SH3KBP1: variants seen among roughly 807,000 people sequenced by gnomAD.
SH3KBP1 encodes SH3 domain-containing kinase-binding protein 1.
Under a neutral mutation model 50.1 loss-of-function variants are expected in SH3KBP1, and 8 were observed. That is an observed-to-expected ratio of 0.16 (90% confidence interval 0.09 to 0.29). SH3KBP1 has a LOEUF of 0.29. Among genes scored for constraint, SH3KBP1 ranks in the 10% least tolerant of loss-of-function variants. The pLI, the probability that SH3KBP1 is intolerant of heterozygous loss-of-function variation, is 1.00. For missense variants in SH3KBP1, 377 were observed against 535.2 expected (o/e 0.70, Z 2.92); for synonymous variants, 227 against 218.6 (o/e 1.04, Z -0.34).
chrX:19,868,059 A>G (rs1216671639), intron 1 of SH3KBP1, among the ~76,000 whole-genome samples: 1 of 111,322 alleles, frequency 9.0e-6, no homozygotes, highest in African/African-American at 3.3e-5. Context: ...GGGTATTAGG[A>G]AAGGAGGGTT....
At position 19,843,143 on chromosome X, in the gene SH3KBP1, C is replaced by T. The variant is rs187668510; in HGVS notation, c.5-6861G>A. Among the ~76,000 whole-genome samples, 576 of 105,014 alleles carry T rather than the reference C, an allele frequency of 5.5e-3. 2 individuals carry two copies. The highest frequency in any genetic ancestry group is 0.014 in the Middle Eastern group (3 of 213). The allele number at this position is 105,014 out of a possible 115,157, so 91.2% of individuals were successfully genotyped here. ...AAGCAATTCTCTTGCCTCAGCCTCC[C>T]GAGTAGCTGGGATTACAGGCACCTG... On this transcript the variant is annotated intron_variant, in intron 1 of 17. Coordinates refer to ENST00000397821, the MANE Select transcript of SH3KBP1 (RefSeq NM_031892.3).
At chrX:19,808,604 C>T (rs146567361) in intron 2 of SH3KBP1, among the ~76,000 whole-genome samples, 2,510 of 111,222 alleles carry the variant, frequency 0.023, 83 homozygotes, top group African/African-American at 0.078. Context: ...CCCCCTCCCC[C>T]ACAACTGCTG....
At chrX:19,855,600 T>C (rs1029293456) in intron 1 of SH3KBP1, among the ~76,000 whole-genome samples, 2 of 111,702 alleles carry the variant, frequency 1.8e-5, no homozygotes, top group Non-Finnish European at 3.8e-5. Context: ...TTATATATTT[T>C]CATTTACTCT....
At chrX:19,843,007 A>AC (rs2068268440) in intron 1 of SH3KBP1, among the ~76,000 whole-genome samples, 3 of 96,939 alleles carry the variant, frequency 3.1e-5, no homozygotes, top group Non-Finnish European at 4.1e-5. Context: ...TCGTGCATCA[A>AC]CTTTTTTTTT....
chrX:19,824,547 G>A (rs147296246), intron 2 of SH3KBP1, among the ~76,000 whole-genome samples: 100 of 111,669 alleles, frequency 9.0e-4, no homozygotes, highest in African/African-American at 2.2e-3. Flanking sequence ...ACATGGAGTC[G>A]CTGTGGGAGC....
chrX:19,665,309 C>T (rs1254896006), intron 6 of SH3KBP1, among the ~76,000 whole-genome samples: 1 of 112,164 alleles, frequency 8.9e-6, no homozygotes, highest in Non-Finnish European at 1.9e-5. Flanking sequence ...CTGAGTGATA[C>T]AGACCTCAAC....
intron 2 of SH3KBP1, among the ~76,000 whole-genome samples, chrX:19,829,260 C>T (rs1401306691): frequency 1.8e-5 from 2 of 111,796 alleles, no homozygotes; most frequent in African/African-American, 3.2e-5. Context: ...TACCGATGTA[C>T]GCAAAAACAT....
At chrX:19,722,659 T>C (rs2064103622) in intron 3 of SH3KBP1, among the ~76,000 whole-genome samples, 1 of 105,565 alleles carries the variant, frequency 9.5e-6, no homozygotes, top group Non-Finnish European at 1.9e-5. Context: ...AAATATTCCA[T>C]AGAAGGAGGG....
intron 3 of SH3KBP1, among the ~76,000 whole-genome samples, chrX:19,738,694 C>CAAAAAAAAA (rs1193680181): frequency 8.1e-5 from 3 of 37,156 alleles, no homozygotes; most frequent in Admixed American, 3.5e-4. Flanking sequence ...GTCAGCAATG[C>CAAAAAAAAA]AAAAAAAAAA....
At chrX:19,648,251 AAGG>A (rs1448574132) in intron 6 of SH3KBP1, among the ~76,000 whole-genome samples, 11 of 108,421 alleles carry the variant, frequency 1.0e-4, no homozygotes, top group African/African-American at 3.4e-4. Context: ...AGGTGGAAGG[AAGG>A]AGGAGGACAG....
At chrX:19,559,767 A>C (rs1216281890) in intron 13 of SH3KBP1, among the ~76,000 whole-genome samples, 1 of 111,433 alleles carries the variant, frequency 9.0e-6, no homozygotes, top group African/African-American at 3.3e-5. Flanking sequence ...CTTAGTGGGT[A>C]CCTCCTTCAA....
intron 4 of SH3KBP1, among the ~76,000 whole-genome samples, chrX:19,700,944 G>A (rs901357061): frequency 1.8e-5 from 2 of 112,103 alleles, no homozygotes; most frequent in Non-Finnish European, 3.8e-5. Context: ...CTACATGAGA[G>A]GCGGCCCTCG....
Position 19,878,472 on chromosome X carries a change from T to TTGTGTG in SH3KBP1, c.4+8829_4+8834dup, listed in dbSNP as rs56786885. ...GTATGTGCCACCACGCCTGGCTAAT[T>TTGTGTG]TGTGTGTGTGTGTGTGTGTGTGTGT... On this transcript the variant is annotated intron_variant, in intron 1 of 17. Transcript: ENST00000397821. 1.1e-3 allele frequency among the ~76,000 whole-genome samples: 77 copies of TTGTGTG among 73,023 alleles called. 1 individual carries two copies. Among genetic ancestry groups the TTGTGTG allele is most frequent in the African/African-American group, 4.4e-3 (67 of 15,323 alleles). The allele number at this position is 73,023 out of a possible 115,157, so 63.4% of individuals were successfully genotyped here.
chrX:19,613,055 G>GTGAC (rs2067479528), intron 8 of SH3KBP1, among the ~76,000 whole-genome samples: 1 of 112,355 alleles, frequency 8.9e-6, no homozygotes, highest in Non-Finnish European at 1.9e-5. Flanking sequence ...CACCCACTGA[G>GTGAC]TGACAGGGGC....
chrX:19,793,313 A>AAAATATAT (rs1418807395), intron 2 of SH3KBP1, among the ~76,000 whole-genome samples: 7 of 96,985 alleles, frequency 7.2e-5, no homozygotes, highest in African/African-American at 2.3e-4. Flanking sequence ...AGGAAAAAAA[A>AAAATATAT]ATATATATAT....
At chrX:19,773,368 T>A (rs1163660623) in intron 2 of SH3KBP1, among the ~76,000 whole-genome samples, 1 of 111,389 alleles carries the variant, frequency 9.0e-6, no homozygotes, top group Non-Finnish European at 1.9e-5. Context: ...TGTGCATATC[T>A]GAGTCATCTG....
At chrX:19,559,208 G>T (rs2065587647) in intron 13 of SH3KBP1, among the ~76,000 whole-genome samples, 1 of 85,257 alleles carries the variant, frequency 1.2e-5, no homozygotes, top group Non-Finnish European at 2.2e-5. Flanking sequence ...GGAGGTGGAG[G>T]TTGCAGTGAG....
In SH3KBP1 at chrX:19,800,920, C is replaced by T. The variant is rs747217946; in HGVS notation, c.162+35205G>A. On this transcript the variant is annotated intron_variant, in intron 2 of 17. Coordinates refer to ENST00000397821, the MANE Select transcript of SH3KBP1 (RefSeq NM_031892.3). ...AGGCCCCCAAGTGAAAGGAAACAAA[C>T]AATCCAATGCAGTTGGTCAGGAACC... is the stretch of plus-strand genomic sequence containing the variant. Among the ~76,000 whole-genome samples the T allele has an allele frequency of 7.2e-5, 8 of 111,231 alleles. No individual in the cohort carries two copies. In the South Asian group the frequency reaches 2.6e-3, roughly 36 times the overall value.
chrX:19,629,752 G>A (rs2061534655), intron 8 of SH3KBP1, among the ~76,000 whole-genome samples: 1 of 112,532 alleles, frequency 8.9e-6, no homozygotes, highest in East Asian at 2.8e-4. Flanking sequence ...AACAGACCAA[G>A]TGTACAGCAG....
Sources: gnomAD v4.1 joint callset for allele counts (sites outside exome capture counted in the v4.1 genomes callset) on GRCh38, gnomAD v4.1.1 for gene constraint, MANE v1.5 for transcripts, NCBI Gene and HGNC (gene_info 2026-07-23, HGNC 2026-07-21) for gene names.